The following TRMT11 variants were observed in gnomAD, a reference collection of about 807,000 sequenced individuals.
The protein encoded by TRMT11 is tRNA methyltransferase 11.
A neutral mutation model predicts 62.8 loss-of-function variants in TRMT11; 53 were observed. That is an observed-to-expected ratio of 0.84 (90% CI 0.68 to 1.06). The LOEUF (loss-of-function observed/expected upper bound fraction) is 1.06. Among genes scored for constraint, TRMT11 ranks in the 50% least tolerant of loss-of-function variants. The pLI is 0.00. For synonymous variants in TRMT11, 188 were observed against 190.3 expected, an observed-to-expected ratio of 0.99 and a Z score of 0.10; for missense variants, 556 against 553.4, an observed-to-expected ratio of 1.00 and a Z score of -0.05.
intron 17 of TRMT11, among the ~76,000 whole-genome samples, chr6:126,069,504 A>G (rs955589232): frequency 9.2e-5 from 14 of 152,192 alleles, no homozygotes; most frequent in East Asian, 7.7e-4. Context: ...AATGAAGTCA[A>G]CTTCTCAAAC....
At chr6:126,133,933 G>C (rs2128208568) in intron 21 of TRMT11, among the ~76,000 whole-genome samples, 1 of 151,854 alleles carries the variant, frequency 6.6e-6, no homozygotes, top group East Asian at 1.9e-4. Flanking sequence ...ATAGGCCCCA[G>C]AATTCCTTGA....
chr6:126,109,565 G>A (rs1777507382), intron 17 of TRMT11, among the ~76,000 whole-genome samples: 1 of 152,062 alleles, frequency 6.6e-6, no homozygotes, highest in South Asian at 2.1e-4. Flanking sequence ...CTAATGTAAG[G>A]CTACAATTTT....
rs1778627491 is a variant in TRMT11 at position 126,193,488 on chromosome 6, G to GTTTTTTTTTTTTTTTTTTTTTTTTTTT, written n.144-5310_144-5309insTTTTTTTTTTTTTTTTTTTTTTTTTTT. Among the ~76,000 whole-genome samples, 5 of 118,130 alleles carry GTTTTTTTTTTTTTTTTTTTTTTTTTTT rather than the reference G, an allele frequency of 4.2e-5. 2 individuals are homozygous for GTTTTTTTTTTTTTTTTTTTTTTTTTTT. Among genetic ancestry groups the GTTTTTTTTTTTTTTTTTTTTTTTTTTT allele is most frequent in the African/African-American group, 1.9e-4 (5 of 26,898 alleles). 77.5% of individuals were successfully genotyped at this position (118,130 alleles called of 152,430 possible). A position where few individuals can be genotyped will look rare whatever the true frequency, so the allele number is the denominator to read the frequency against. ...TAGGTTATTTAAGAGGAGCGTTTCT[G>GTTTTTTTTTTTTTTTTTTTTTTTTTTT]TATTTTTTTTTTTTTTTTTTTTTTT... On this transcript the variant is annotated intron_variant and non_coding_transcript_variant, in intron 1 of 3. Transcript: ENST00000444229.
intron 21 of TRMT11, among the ~76,000 whole-genome samples, chr6:126,117,850 G>C (rs983160510): frequency 2.6e-5 from 4 of 152,060 alleles, no homozygotes; most frequent in Admixed American, 1.3e-4. Context: ...TATTAACTGC[G>C]TGACCATAGA....
At position 126,169,178 on chromosome 6, in the gene TRMT11, C is replaced by T. The variant is rs148294287; in HGVS notation, c.*1824-5647C>T. Among the ~76,000 whole-genome samples the T allele has an allele frequency of 1.0e-2, 1,522 of 152,242 alleles. 9 individuals carry two copies. The highest frequency in any genetic ancestry group is 0.015 in the Non-Finnish European group (1,030 of 68,026). On this transcript the variant is annotated intron_variant and NMD_transcript_variant, in intron 21 of 22. Transcript: ENST00000648977. ...CTACCTTTTAATGTGACACGTGCTC[C>T]CAGTCTTATTAAGGCAGGCCAGCTT...
chr6:126,269,324 AT>A, the TRMT11 span, among the ~76,000 whole-genome samples: 2,051 of 151,500 alleles, frequency 0.014, 26 homozygotes, highest in Non-Finnish European at 0.022. Flanking sequence ...AAAGAAAAAA[AT>A]ATTTTCAAAT....
At chr6:126,129,326 G>C (rs947063505) in intron 21 of TRMT11, among the ~76,000 whole-genome samples, 1 of 152,076 alleles carries the variant, frequency 6.6e-6, no homozygotes, top group Non-Finnish European at 1.5e-5. Context: ...GATTAAATGA[G>C]TTAATGCATG....
At chr6:126,017,209 G>A (rs978733256) in intron 11 of TRMT11, among the ~76,000 whole-genome samples, 1 of 152,174 alleles carries the variant, frequency 6.6e-6, no homozygotes, top group South Asian at 2.1e-4. Context: ...TTGGTGTGGT[G>A]AATGTAGGCT....
intron 17 of TRMT11, among the ~76,000 whole-genome samples, chr6:126,081,701 C>A (rs1231509859): frequency 6.6e-6 from 1 of 152,054 alleles, no homozygotes; most frequent in Non-Finnish European, 1.5e-5. Flanking sequence ...CTACTCCCAC[C>A]TATTTACTGA....
chr6:126,038,915 C>A lies in TRMT11; in HGVS notation c.*79C>A. ...CTGGATGTGAACTTTCATGTATGATCCAGAAAATAGGTACGGTTTTAAAAT... is the reference window on the plus strand; with the variant it reads ...CTGGATGTGAACTTTCATGTATGATACAGAAAATAGGTACGGTTTTAAAAT... On this transcript the variant is annotated 3_prime_UTR_variant, in exon 13 of 13. Coordinates refer to ENST00000334379, the MANE Select transcript of TRMT11 (RefSeq NM_001031712.3). The A allele has an allele frequency of 4.2e-6, 5 of 1,186,542 alleles. No homozygotes were observed. The highest frequency in any genetic ancestry group is 1.6e-5 in the South Asian group (1 of 61,130). The allele number at this position is 1,186,542 out of a possible 1,614,324, so 73.5% of individuals were successfully genotyped here.
the TRMT11 span, among the ~76,000 whole-genome samples, chr6:126,242,873 G>A: frequency 1.3e-5 from 2 of 152,072 alleles, no homozygotes; most frequent in African/African-American, 4.8e-5. Context: ...CATAGGCATG[G>A]GCAAGGACTT....
At chr6:125,998,737 A>G (rs775918686) in intron 6 of TRMT11, 53 bp downstream of exon 6, 198 of 1,574,924 alleles carry the variant, frequency 1.3e-4, no homozygotes, top group Non-Finnish European at 1.7e-4. Context: ...AAAGCTACTT[A>G]TTAGGCCTTT....
intron 18 of TRMT11, among the ~76,000 whole-genome samples, chr6:126,113,189 A>G (rs1455622963): frequency 6.6e-6 from 1 of 152,008 alleles, no homozygotes; most frequent in African/African-American, 2.4e-5. Context: ...CCCCATATTG[A>G]CCTGAAGCTG....
At chr6:126,114,491 A>C (rs1777566378) in intron 18 of TRMT11, among the ~76,000 whole-genome samples, 1 of 152,104 alleles carries the variant, frequency 6.6e-6, no homozygotes, top group African/African-American at 2.4e-5. Flanking sequence ...AGGTTTTTGC[A>C]TGACCCAAGA....
intron 17 of TRMT11, among the ~76,000 whole-genome samples, chr6:126,060,673 T>C (rs895657265): frequency 6.6e-6 from 1 of 152,232 alleles, no homozygotes; most frequent in Non-Finnish European, 1.5e-5. Context: ...AGGCCTGGGC[T>C]CTGTCCAGAA....
Position 126,101,049 on chromosome 6 carries a change from G to A in TRMT11, c.*1438-11817G>A, listed in dbSNP as rs531922645. On this transcript the variant is annotated intron_variant and NMD_transcript_variant, in intron 17 of 22. Transcript: ENST00000648977. ...AGGTAGAGGTTACTCACATTACTCAGGGGTAATGTGAGCAGTGGGGAGCAG... is the reference window on the plus strand; with the variant it reads ...AGGTAGAGGTTACTCACATTACTCAAGGGTAATGTGAGCAGTGGGGAGCAG... Among the ~76,000 whole-genome samples, 110 of 152,284 alleles carry A rather than the reference G, an allele frequency of 7.2e-4. 1 individual carries two copies. The highest frequency in any genetic ancestry group is 2.6e-3 in the African/African-American group (110 of 41,568).
chr6:126,018,875 T>G (rs955768275), intron 11 of TRMT11, among the ~76,000 whole-genome samples: 1 of 152,166 alleles, frequency 6.6e-6, no homozygotes, highest in Non-Finnish European at 1.5e-5. Context: ...AATAATTTTA[T>G]TTTACTTTAT....
At chr6:126,008,269 C>T (rs918538369) in intron 7 of TRMT11, 123 bp from the exon 8 acceptor site, 6 of 835,106 alleles carry the variant, frequency 7.2e-6, no homozygotes, top group African/African-American at 3.3e-5. Context: ...AAATATGTTA[C>T]GACCAATGTC....
At chr6:126,192,760 G>A (rs1340371559) in intron 1 of TRMT11, among the ~76,000 whole-genome samples, 1 of 152,138 alleles carries the variant, frequency 6.6e-6, no homozygotes, top group Non-Finnish European at 1.5e-5. Context: ...ATTTGATTAT[G>A]TTGAACCATG....
Sources: gnomAD v4.1 joint callset for allele counts (sites outside exome capture counted in the v4.1 genomes callset) on GRCh38, gnomAD v4.1.1 for gene constraint, MANE v1.5 for transcripts, NCBI Gene and HGNC (gene_info 2026-07-23, HGNC 2026-07-21) for gene names.